CCDC186: variants seen among roughly 807,000 people sequenced by gnomAD.
The protein encoded by CCDC186 is coiled-coil domain containing 186.
CCDC186 carries 49 observed loss-of-function variants against 113.7 expected under a neutral mutation model. The ratio of observed to expected loss-of-function variants is 0.43; its 90% CI spans 0.34 to 0.55. The LOEUF (loss-of-function observed/expected upper bound fraction) is 0.55, where lower values mean the gene tolerates loss of function less well. Among genes scored for constraint, CCDC186 ranks in the 20% least tolerant of loss-of-function variants. The probability of loss-of-function intolerance (pLI) is 0.02; values close to 1 mark genes in which losing one functional copy is unlikely to be tolerated. For synonymous variants in CCDC186, 355 were observed against 345.8 expected, an observed-to-expected ratio of 1.03 and a Z score of -0.30; for missense variants, 890 against 1,011.1, an observed-to-expected ratio of 0.88 and a Z score of 1.62.
At position 114,145,767 on chromosome 10, in the gene CCDC186, A is replaced by G. The variant is rs1303361711; in HGVS notation, c.889-6T>C. On this transcript the variant is annotated splice_region_variant and splice_polypyrimidine_tract_variant and intron_variant, in intron 4 of 15. Coordinates refer to ENST00000369287, the MANE Select transcript of CCDC186 (RefSeq NM_018017.4). ...TCTTCACATTTCTTGTTGGCCTTCAAAAAAAATATTACTTAGCATTAATGA... is the reference window on the plus strand; with the variant it reads ...TCTTCACATTTCTTGTTGGCCTTCAGAAAAAATATTACTTAGCATTAATGA... The G allele has an allele frequency of 6.4e-7, 1 of 1,572,168 alleles. No homozygotes were observed.
intron 1 of CCDC186, among the ~76,000 whole-genome samples, chr10:114,170,393 C>T (rs772729195): frequency 1.3e-5 from 2 of 152,076 alleles, no homozygotes; most frequent in African/African-American, 2.4e-5. Flanking sequence ...AGTCAGAGGT[C>T]ACTTGCAGCC....
rs979591587 is a variant in CCDC186 at position 114,133,251 on chromosome 10, T to C, written c.1656-1067A>G. ...ACAGATGTTACAGACTTAGCATCAC[T>C]AATACTTTGTGACTGGTTAGATGTG... On this transcript the variant is annotated intron_variant, in intron 10 of 15. Coordinates refer to ENST00000369287, the MANE Select transcript of CCDC186 (RefSeq NM_018017.4). 9.2e-5 allele frequency among the ~76,000 whole-genome samples: 14 copies of C among 152,204 alleles called. No homozygotes were observed. The South Asian group carries it at 1.2e-3, about 14-fold the overall frequency.
chr10:114,167,777 A>G (rs1194383912), intron 1 of CCDC186, among the ~76,000 whole-genome samples: 1 of 148,522 alleles, frequency 6.7e-6, no homozygotes, highest in Admixed American at 6.8e-5. Flanking sequence ...AGCCTGGGCA[A>G]CATAACAAGA....
chr10:114,127,582 T>C lies in CCDC186; in HGVS notation c.2272A>G (p.Lys758Glu). The change falls in exon 14 of 16, where the codon AAG becomes GAG. Residue 758 changes from lysine (K) to glutamate (E), a missense_variant. Transcript: ENST00000369287. Reference protein sequence around the residue: ...VAVDNFPQVDKAMLIERIVRL... With the variant: ...VAVDNFPQVDEAMLIERIVRL... ...ACTATTCTCTCAATCAACATGGCCT[T>C]ATCTACTTGTGGAAAGTTATCCACA... 2 of 1,614,106 alleles carry C rather than the reference T, an allele frequency of 1.2e-6. No homozygotes were observed. Among genetic ancestry groups the C allele is most frequent in the South Asian group, 2.2e-5 (2 of 91,088 alleles).
intron 13 of CCDC186, 143 bp from the exon 14 acceptor site, chr10:114,127,814 G>C (rs1156836532): frequency 2.7e-6 from 2 of 754,512 alleles, no homozygotes; most frequent in African/African-American, 1.8e-5. Flanking sequence ...ACGTGGCTGA[G>C]GTTCTGGTTT....
intron 3 of CCDC186, among the ~76,000 whole-genome samples, chr10:114,156,771 C>G (rs2032023280): frequency 6.6e-6 from 1 of 152,022 alleles, no homozygotes; most frequent in Non-Finnish European, 1.5e-5. Flanking sequence ...AGGAAAAGGA[C>G]AGGCTAGGAA....
At chr10:114,126,176 C>G in intron 14 of CCDC186, 71 bp from the exon 15 acceptor site, 1 of 1,156,858 alleles carries the variant, frequency 8.6e-7, no homozygotes, top group Non-Finnish European at 1.3e-6. Flanking sequence ...CAAAAGTCAA[C>G]TAATCATAAA....
chr10:114,135,888 T>C lies in CCDC186; in HGVS notation c.1512+3A>G. 6.3e-7 allele frequency: 1 copy of C among 1,595,672 alleles called. No homozygotes were observed. Among genetic ancestry groups the C allele is most frequent in the Non-Finnish European group, 8.6e-7 (1 of 1,165,118 alleles). The stretch of plus-strand genomic sequence containing the variant: ...CTGGATTCATGACTAAAGACTGAAT[T>C]ACCTTTGTTCTCAGTGTTCTTAACT... On this transcript the variant is annotated splice_donor_region_variant and intron_variant, in intron 9 of 15. Coordinates refer to ENST00000369287, the MANE Select transcript of CCDC186 (RefSeq NM_018017.4).
intron 2 of CCDC186, chr10:114,162,284 A>G (rs1250101080): frequency 1.8e-5 from 3 of 162,224 alleles, no homozygotes; most frequent in Non-Finnish European, 4.0e-5. Context: ...TTTAGAATGC[A>G]GATTTTAAGA....
chr10:114,137,641 G>A (rs1053096054), intron 6 of CCDC186, among the ~76,000 whole-genome samples: 14 of 152,208 alleles, frequency 9.2e-5, no homozygotes, highest in African/African-American at 3.1e-4. Context: ...GGTGGCTCAC[G>A]CCTGTAATTC....
intron 6 of CCDC186, among the ~76,000 whole-genome samples, chr10:114,139,801 C>A (rs189287883): frequency 1.3e-5 from 2 of 152,094 alleles, no homozygotes. Flanking sequence ...GAAAAAGAGA[C>A]AGAGAGAAGG....
At chr10:114,162,478 A>C (rs1210816527) in intron 2 of CCDC186, 159 bp downstream of exon 2, 2 of 544,970 alleles carry the variant, frequency 3.7e-6, no homozygotes, top group Non-Finnish European at 6.2e-6. Context: ...ACATTTGCTC[A>C]CACATTCAGC....
chr10:114,138,057 AAAAAAAAAAAAAAAAAT>A (rs1564908423), intron 6 of CCDC186, among the ~76,000 whole-genome samples: 20 of 104,464 alleles, frequency 1.9e-4, no homozygotes, highest in African/African-American at 8.0e-4. Context: ...AAAAAAAAAA[AAAAAAAAAAAAAAAAAT>A]AAAAAAAATA....
In CCDC186 at chr10:114,125,239, G is replaced by A; in HGVS notation, c.2614-13C>T. The A allele has an allele frequency of 6.4e-7, 1 of 1,565,446 alleles. No homozygotes were observed. On this transcript the variant is annotated splice_polypyrimidine_tract_variant and intron_variant, in intron 15 of 15. Transcript: ENST00000369287. Reference sequence around the variant, plus strand: ...TTTGTAGATTTTCCTTTAATAATTGGGGTGAGGGGAAAGGGAAGAGAAAAA... The same window carrying A: ...TTTGTAGATTTTCCTTTAATAATTGAGGTGAGGGGAAAGGGAAGAGAAAAA...
chr10:114,135,916 T>A lies in CCDC186; in HGVS notation c.1487A>T (p.Asp496Val). ...CTTTGTTCTCAGTGTTCTTAACTCA[T>A]CCATACCCTCCTTAAATGTTCTCTT... Reference protein sequence around the residue: ...DLKRTFKEGMDELRTLRTKVK... With the variant: ...DLKRTFKEGMVELRTLRTKVK... The change falls in exon 9 of 16, where the codon GAT (aspartate) becomes GTT (valine). Residue 496 changes from aspartate (D) to valine (V), a missense_variant. Transcript: ENST00000369287. 3.1e-6 allele frequency: 5 copies of A among 1,612,976 alleles called. No homozygotes were observed. Among genetic ancestry groups the A allele is most frequent in the Non-Finnish European group, 4.2e-6 (5 of 1,179,312 alleles).
At chr10:114,174,211 A>G (rs1430072845), upstream of CCDC186, 2 of 426,426 alleles carry the variant, frequency 4.7e-6, no homozygotes, top group Non-Finnish European at 9.8e-6. Context: ...GATGGCGGCG[A>G]CACTGAAGCC....
At chr10:114,127,867 T>C (rs2030958145) in intron 13 of CCDC186, among the ~76,000 whole-genome samples, 196 bp from the exon 14 acceptor site, 1 of 152,198 alleles carries the variant, frequency 6.6e-6, no homozygotes. Context: ...GTCTATACTG[T>C]ATCTCTCAGG....
In CCDC186 at chr10:114,157,571, T is replaced by C; in HGVS notation, c.742A>G (p.Met248Val). Residue 248 changes from methionine to valine, a missense_variant, in exon 3 of 16, where the codon ATG becomes GTG. Transcript: ENST00000369287. ...KKRTETEKQH[M>V]NTIKQLESRI... The stretch of plus-strand genomic sequence containing the variant: ...TTTTTTACCTGTTTAATTGTGTTCA[T>C]ATGCTGCTTCTCAGTTTCTGTTCTT... 6.2e-7 allele frequency: 1 copy of C among 1,608,084 alleles called. No individual in the cohort carries two copies. Among genetic ancestry groups the C allele is most frequent in the Non-Finnish European group, 8.5e-7 (1 of 1,178,484 alleles).
chr10:114,144,556 G>A lies in CCDC186; in HGVS notation c.1162C>T (p.His388Tyr). 6.2e-7 allele frequency: 1 copy of A among 1,613,016 alleles called. No individual in the cohort carries two copies. Among genetic ancestry groups the A allele is most frequent in the Non-Finnish European group, 8.5e-7 (1 of 1,179,240 alleles). ...IDKLKEDINS[H>Y]VIKVKWAQNK... ...TGTGCCCACTTTACTTTGATGACGTGAGAGTTAATGTCTTCCTTTAATTTG... is the reference window on the plus strand; with the variant it reads ...TGTGCCCACTTTACTTTGATGACGTAAGAGTTAATGTCTTCCTTTAATTTG... Residue 388 changes from histidine (H) to tyrosine (Y), a missense_variant, in exon 6 of 16, where the codon CAC (histidine) becomes TAC (tyrosine). By Grantham distance (83) the His-to-Tyr change is moderately conservative (BLOSUM62 2). Transcript: ENST00000369287.
Sources: gnomAD v4.1 joint callset for allele counts (sites outside exome capture counted in the v4.1 genomes callset) on GRCh38, gnomAD v4.1.1 for gene constraint, MANE v1.5 for transcripts, NCBI Gene and HGNC (gene_info 2026-07-23, HGNC 2026-07-21) for gene names.